XYLT1: variants seen among roughly 807,000 people sequenced by gnomAD.
XYLT1 encodes the protein xylosyltransferase 1, also known as beta-D-xylosyltransferase 1.
Under a neutral mutation model 91.3 loss-of-function variants are expected in XYLT1, and 36 were observed. That is an observed-to-expected ratio of 0.39 (90% CI 0.30 to 0.52). The LOEUF is 0.52. XYLT1 is among the 20% of genes least tolerant of loss of function. XYLT1 has a pLI of 0.68. For missense variants in XYLT1, 1,242 were observed against 1,284.5 expected (o/e 0.97, Z 0.51); for synonymous variants, 588 against 532.0 (o/e 1.11, Z -1.45).
In XYLT1 at chr16:17,102,438, T is replaced by A. The variant is rs1487663661; in HGVS notation, c.*6257A>T. 6.6e-6 allele frequency: 1 copy of A among 152,638 alleles called. No homozygotes were observed. The highest frequency in any genetic ancestry group is 1.5e-5 in the Non-Finnish European group (1 of 68,038). The allele number at this position is 152,638 out of a possible 1,614,324, so 9.5% of individuals were successfully genotyped here. A position where few individuals can be genotyped will look rare whatever the true frequency, so the allele number is the denominator to read the frequency against. On this transcript the variant is annotated 3_prime_UTR_variant, in exon 12 of 12. Coordinates refer to ENST00000261381, the MANE Select transcript of XYLT1 (RefSeq NM_022166.4). Reference sequence around the variant, plus strand: ...TTGGTATGATACAGTATTTAATACATCCACTGTTTTCTGCAAAAAATGTTG... The same window carrying A: ...TTGGTATGATACAGTATTTAATACAACCACTGTTTTCTGCAAAAAATGTTG...
intron 2 of XYLT1, among the ~76,000 whole-genome samples, chr16:17,303,561 A>G (rs1193167291): frequency 6.6e-6 from 1 of 152,234 alleles, no homozygotes; most frequent in Non-Finnish European, 1.5e-5. Context: ...TAAAACTGGC[A>G]TAAGAGGGCC....
intron 2 of XYLT1, among the ~76,000 whole-genome samples, chr16:17,347,953 C>T (rs1406030195): frequency 6.6e-6 from 1 of 152,122 alleles, no homozygotes; most frequent in Non-Finnish European, 1.5e-5. Context: ...AGGGCAGCCC[C>T]ACAGCAGCTG....
At position 17,196,572 on chromosome 16, in the gene XYLT1, T is replaced by C. The variant is rs1169591156; in HGVS notation, c.1289+1640A>G. ...TCATTACACTATTCTCTTGGTACTCTTGTGCATGTTTGAAAGTTGCCTTAA... is the reference window on the plus strand; with the variant it reads ...TCATTACACTATTCTCTTGGTACTCCTGTGCATGTTTGAAAGTTGCCTTAA... On this transcript the variant is annotated intron_variant, in intron 5 of 11. Transcript: ENST00000261381. 6.6e-5 allele frequency among the ~76,000 whole-genome samples: 10 copies of C among 152,314 alleles called. No homozygotes were observed. The South Asian group carries it at 1.7e-3, about 25-fold the overall frequency.
At chr16:17,391,913 G>C (rs1451452062) in intron 1 of XYLT1, among the ~76,000 whole-genome samples, 1 of 152,092 alleles carries the variant, frequency 6.6e-6, no homozygotes, top group East Asian at 1.9e-4. Flanking sequence ...TACGTAAGAT[G>C]GGCCTTTGCT....
At chr16:17,465,403 A>G (rs2036880558) in intron 1 of XYLT1, among the ~76,000 whole-genome samples, 1 of 152,070 alleles carries the variant, frequency 6.6e-6, no homozygotes, top group African/African-American at 2.4e-5. Flanking sequence ...AATCAGTAAG[A>G]CAGTAAGGTA....
chr16:17,383,797 G>C (rs1272330932), intron 1 of XYLT1, among the ~76,000 whole-genome samples: 1 of 138,898 alleles, frequency 7.2e-6, no homozygotes, highest in Admixed American at 7.8e-5. Flanking sequence ...GCCCAGGCCA[G>C]AGTGCAATGG....
intron 10 of XYLT1, among the ~76,000 whole-genome samples, chr16:17,122,213 T>C (rs905294908): frequency 2.0e-5 from 3 of 152,226 alleles, no homozygotes; most frequent in African/African-American, 2.4e-5. Flanking sequence ...TAGTTTACAG[T>C]CCCACCAACA....
intron 1 of XYLT1, among the ~76,000 whole-genome samples, chr16:17,392,796 A>G (rs752903705): frequency 6.6e-6 from 1 of 152,204 alleles, no homozygotes; most frequent in Non-Finnish European, 1.5e-5. Context: ...AGACAAGACT[A>G]GAAATCATCC....
intron 1 of XYLT1, among the ~76,000 whole-genome samples, chr16:17,467,098 A>G (rs1175935652): frequency 6.6e-6 from 1 of 152,236 alleles, no homozygotes; most frequent in African/African-American, 2.4e-5. Context: ...CGAAAAATCA[A>G]CATTTCAAAG....
intron 5 of XYLT1, among the ~76,000 whole-genome samples, chr16:17,191,666 A>G (rs1174993416): frequency 1.3e-5 from 2 of 152,160 alleles, no homozygotes; most frequent in Admixed American, 6.5e-5. Context: ...GGTCTTCGGG[A>G]GACTGTAGAG....
chr16:17,303,424 G>A (rs2034426819), intron 2 of XYLT1, among the ~76,000 whole-genome samples: 1 of 152,214 alleles, frequency 6.6e-6, no homozygotes, highest in African/African-American at 2.4e-5. Flanking sequence ...TCTACAGACA[G>A]TTTGCACACT....
chr16:17,367,596 G>T (rs951994078), intron 1 of XYLT1, among the ~76,000 whole-genome samples: 10 of 152,208 alleles, frequency 6.6e-5, no homozygotes, highest in African/African-American at 2.4e-4. Flanking sequence ...TGAGATCTCT[G>T]TTCCACAGGA....
At chr16:17,454,084 T>G (rs2036703412) in intron 1 of XYLT1, among the ~76,000 whole-genome samples, 1 of 152,196 alleles carries the variant, frequency 6.6e-6, no homozygotes, top group Admixed American at 6.5e-5. Flanking sequence ...CTTCCTACTC[T>G]GAAAGGTAAG....
At chr16:17,409,840 A>G (rs889826724) in intron 1 of XYLT1, among the ~76,000 whole-genome samples, 3 of 152,102 alleles carry the variant, frequency 2.0e-5, no homozygotes, top group Non-Finnish European at 4.4e-5. Flanking sequence ...GTCAGCCACC[A>G]CACCCAGCTG....
intron 2 of XYLT1, among the ~76,000 whole-genome samples, chr16:17,278,868 C>A (rs769177677): frequency 8.5e-5 from 13 of 152,200 alleles, no homozygotes; most frequent in Non-Finnish European, 1.3e-4. Flanking sequence ...ACAGCCTCAT[C>A]TATGCACAGG....
chr16:17,470,370 G>C (rs1291007800), intron 1 of XYLT1, 64 bp downstream of exon 1: 25 of 1,209,730 alleles, frequency 2.1e-5, no homozygotes, highest in Non-Finnish European at 2.5e-5. Context: ...GGCTAGGGGG[G>C]CGTGGGGTCG....
chr16:17,198,275 A>G lies in XYLT1; in HGVS notation c.1226T>C (p.Leu409Pro). ...STYLQSMRDLLEMTDWPWDFF... is the reference protein window; with the variant it reads ...STYLQSMRDLPEMTDWPWDFF... ...GTCCCAGGGCCAGTCGGTCATCTCC[A>G]GGAGGTCCCGCATGCTCTGCAGGTA... The change falls in exon 5 of 12, where the codon CTG becomes CCG. Residue 409 changes from leucine to proline, a missense_variant. Transcript: ENST00000261381. 1 of 1,614,210 alleles carries G rather than the reference A, an allele frequency of 6.2e-7. No individual in the cohort carries two copies. Among genetic ancestry groups the G allele is most frequent in the Non-Finnish European group, 8.5e-7 (1 of 1,180,030 alleles).
At chr16:17,426,793 A>G (rs1439652861) in intron 1 of XYLT1, among the ~76,000 whole-genome samples, 2 of 152,204 alleles carry the variant, frequency 1.3e-5, no homozygotes, top group East Asian at 3.8e-4. Flanking sequence ...TTTACAGAAA[A>G]CATTCACAGA....
At chr16:17,464,147 A>G (rs767536029) in intron 1 of XYLT1, among the ~76,000 whole-genome samples, 30 of 151,466 alleles carry the variant, frequency 2.0e-4, no homozygotes, top group Non-Finnish European at 3.8e-4. Flanking sequence ...AGTGTTTGGT[A>G]GTCCAGTAGG....
Sources: gnomAD v4.1 joint callset for allele counts (sites outside exome capture counted in the v4.1 genomes callset) on GRCh38, gnomAD v4.1.1 for gene constraint, MANE v1.5 for transcripts, NCBI Gene and HGNC (gene_info 2026-07-23, HGNC 2026-07-21) for gene names.